Variants in LENG1 observed in about 807,000 individuals in gnomAD.
The protein encoded by LENG1 is leukocyte receptor cluster (LRC) member 1.
Under a neutral mutation model 28.8 loss-of-function variants are expected in LENG1, and 35 were observed. The observed-to-expected ratio is 1.22, with a 90% CI of 0.93 to 1.61. LENG1 has a LOEUF of 1.61. LENG1 is among the 40% of genes most tolerant of loss of function. The pLI is 0.00. For synonymous variants in LENG1, 170 were observed against 140.6 expected (o/e 1.21, Z -1.48); for missense variants, 404 against 348.9 (o/e 1.16, Z -1.26).
intron 2 of LENG1, among the ~76,000 whole-genome samples, 198 bp downstream of exon 2, chr19:54,158,084 G>A (rs181735729): frequency 6.6e-6 from 1 of 152,328 alleles, no homozygotes; most frequent in Admixed American, 6.5e-5. Context: ...AGCAGCTGGG[G>A]ACCTCTAGCA....
intron 2 of LENG1, among the ~76,000 whole-genome samples, chr19:54,157,731 G>A (rs141616158): frequency 6.6e-6 from 1 of 151,484 alleles, no homozygotes; most frequent in East Asian, 2.0e-4. Context: ...TTCACTTTTT[G>A]TTTGATTGTT....
At position 54,155,623 on chromosome 19, in the gene LENG1, T is replaced by G. The variant is rs1428992285; in HGVS notation, c.*98A>C. ...CTCCTCCCCTCCCCAGTGAGGGACA[T>G]TTTTTGGTAAACCTATTTTCATTTT... On this transcript the variant is annotated 3_prime_UTR_variant, in exon 4 of 4. Coordinates refer to ENST00000222224, the MANE Select transcript of LENG1 (RefSeq NM_024316.3). 2 of 1,283,390 alleles carry G rather than the reference T, an allele frequency of 1.6e-6. No individual in the cohort carries two copies. Among genetic ancestry groups the G allele is most frequent in the African/African-American group, 1.5e-5 (1 of 67,072 alleles). The allele number at this position is 1,283,390 out of a possible 1,614,324, so 79.5% of individuals were successfully genotyped here. A position where few individuals can be genotyped will look rare whatever the true frequency, so the allele number is the denominator to read the frequency against.
chr19:54,155,863 AG>A lies in LENG1; in HGVS notation c.652del (p.Leu218TrpfsTer50), dbSNP rs779666555. On this transcript the variant is annotated frameshift_variant, in exon 4 of 4. Transcript: ENST00000222224. LOFTEE classifies it high-confidence loss of function. Reference protein sequence around the residue: ...AAERSRAEALLARVQGRALQE... With the variant: ...AAERSRAEALXARVQGRALQE... ...TAGTGCCCGGCCTTGGACCCGGGCC[AG>A]CAGGGCCTCTGCCCGAGACCTCTCA... 33 of 1,612,868 alleles carry A rather than the reference AG, an allele frequency of 2.0e-5. No individual in the cohort carries two copies. The South Asian group carries it at 2.4e-4, about 12-fold the overall frequency.
In LENG1 at chr19:54,156,778, T is replaced by A. The variant is rs2075395740; in HGVS notation, c.560A>T (p.Lys187Met). The change falls in exon 3 of 4, where the codon AAG (lysine) becomes ATG (methionine). Residue 187 changes from lysine to methionine, a missense_variant. Transcript: ENST00000222224. ...RSRKEKEGSEKQRPKEPPSLD... is the reference protein window; with the variant it reads ...RSRKEKEGSEMQRPKEPPSLD... ...GTCTTCTTACTCCTTGGGTCGCTGC[T>A]TCTCAGACCCCTCCTTTTCCTTTCT... The A allele has an allele frequency of 6.2e-7, 1 of 1,612,414 alleles. No individual in the cohort carries two copies. Among genetic ancestry groups the A allele is most frequent in the Admixed American group, 1.7e-5 (1 of 59,820 alleles).
At chr19:54,159,262 T>C (rs967387734) in intron 1 of LENG1, among the ~76,000 whole-genome samples, 9 of 152,266 alleles carry the variant, frequency 5.9e-5, no homozygotes, top group South Asian at 2.1e-4. Flanking sequence ...CCGAATTTCC[T>C]TGAACTGTCC....
rs1227424309 is a variant in LENG1, at chr19:54,159,415, G to T, written c.132+149C>A. 8.4e-6 allele frequency: 7 copies of T among 833,482 alleles called. No individual in the cohort carries two copies. The Admixed American group carries it at 1.9e-4, about 23-fold the overall frequency. 51.6% of individuals were successfully genotyped at this position (833,482 alleles called of 1,614,324 possible). On this transcript the variant is annotated intron_variant, in intron 1 of 3. Coordinates refer to ENST00000222224, the MANE Select transcript of LENG1 (RefSeq NM_024316.3). The stretch of plus-strand genomic sequence containing the variant: ...CGTGGAAGTGGGCACAAGGTTTGCG[G>T]GGCAACGTCCTCGAAAGTGGGATCG...
At chr19:54,159,228 T>C (rs1600538612) in intron 1 of LENG1, among the ~76,000 whole-genome samples, 1 of 152,274 alleles carries the variant, frequency 6.6e-6, no homozygotes, top group African/African-American at 2.4e-5. Context: ...ATAAATAGGC[T>C]GTGCAGGCAA....
At position 54,158,314 on chromosome 19, in the gene LENG1, T is replaced by C. The variant is rs762711190; in HGVS notation, c.280A>G (p.Lys94Glu). Reference protein sequence around the residue: ...EEGKGVIRGNKEYKEEKRQEK... With the variant: ...EEGKGVIRGNEEYKEEKRQEK... ...TGTCGCTTTTCTTCCTTGTACTCTT[T>C]ATTGCCTCTGATCACTCCTTTCCCT... is the stretch of plus-strand genomic sequence containing the variant. The change falls in exon 2 of 4, where the codon AAA (lysine) becomes GAA (glutamate). Residue 94 changes from lysine (K) to glutamate (E), a missense_variant. Physicochemically the swap from Lys to Glu is moderately conservative, Grantham distance 56. Transcript: ENST00000222224. 3.1e-6 allele frequency: 5 copies of C among 1,614,078 alleles called. No individual in the cohort carries two copies. The highest frequency in any genetic ancestry group is 4.5e-5 in the East Asian group (2 of 44,902).
intron 2 of LENG1, 86 bp downstream of exon 2, chr19:54,158,196 A>G (rs2075430140): frequency 4.9e-6 from 6 of 1,218,490 alleles, no homozygotes; most frequent in Non-Finnish European, 5.9e-6. Flanking sequence ...CTCTTGTTTG[A>G]CCTTGGTCAC....
In LENG1 at chr19:54,156,810, A is replaced by T. The variant is rs150820847; in HGVS notation, c.528T>A (p.Ser176Arg). Reference protein sequence around the residue: ...KKRQHGGDEGSRSRKEKEGSE... With the variant: ...KKRQHGGDEGRRSRKEKEGSE... Reference sequence around the variant, plus strand: ...ACCCCTCCTTTTCCTTTCTGCTGCGACTGCCTTCATCACCGCCGTGCTGTC... The same window carrying T: ...ACCCCTCCTTTTCCTTTCTGCTGCGTCTGCCTTCATCACCGCCGTGCTGTC... The change falls in exon 3 of 4, where the codon AGT becomes AGA. Residue 176 changes from serine to arginine, a missense_variant. Transcript: ENST00000222224. The T allele has an allele frequency of 2.1e-3, 3,357 of 1,613,698 alleles. 6 individuals are homozygous for T. Among genetic ancestry groups the T allele is most frequent in the Non-Finnish European group, 2.7e-3 (3,152 of 1,179,830 alleles).
rs754540332 is a variant in LENG1, at chr19:54,155,749, C to T, written c.767G>A (p.Arg256His). The change falls in exon 4 of 4, where the codon CGC becomes CAC. Residue 256 changes from arginine (R) to histidine (H), a missense_variant. Arg to His is a conservative substitution (Grantham distance 29). Coordinates refer to ENST00000222224, the MANE Select transcript of LENG1 (RefSeq NM_024316.3). ...QFNPQLARRP[R>H]QQDPHLTH The stretch of plus-strand genomic sequence containing the variant: ...GTGAGTAAGGTGAGGGTCCTGCTGG[C>T]GGGGGCGCCGGGCCAGCTGGGGGTT... 1.9e-5 allele frequency: 30 copies of T among 1,609,726 alleles called. No homozygotes were observed. The highest frequency in any genetic ancestry group is 1.7e-4 in the African/African-American group (13 of 74,914).
intron 2 of LENG1, 24 bp downstream of exon 2, chr19:54,158,255 CTGA>C (rs766238410): frequency 8.1e-6 from 13 of 1,604,868 alleles, no homozygotes; most frequent in East Asian, 4.5e-5. Flanking sequence ...CATGGCCCCT[CTGA>C]TGAAGTGGGT....
intron 2 of LENG1, 96 bp downstream of exon 2, chr19:54,158,186 C>T: frequency 8.8e-7 from 1 of 1,138,474 alleles, no homozygotes; most frequent in Non-Finnish European, 1.3e-6. Flanking sequence ...TGTGTGTTCA[C>T]TCTTGTTTGA....
chr19:54,158,168 C>T lies in LENG1; in HGVS notation c.312+114G>A. ...TTGAGTGTCATGCCTTGGTATGGTC[C>T]TAAATTCTGTGTGTTCACTCTTGTT... On this transcript the variant is annotated intron_variant, in intron 2 of 3. Coordinates refer to ENST00000222224, the MANE Select transcript of LENG1 (RefSeq NM_024316.3). 4 of 1,010,718 alleles carry T rather than the reference C, an allele frequency of 4.0e-6. No homozygotes were observed. The East Asian group carries it at 9.6e-5, about 24-fold the overall frequency. The allele number at this position is 1,010,718 out of a possible 1,614,324, so 62.6% of individuals were successfully genotyped here.
At position 54,158,444 on chromosome 19, in the gene LENG1, T is replaced by C; in HGVS notation, c.150A>G (p.Leu50=). Residue 50 remains leucine, a synonymous_variant, in exon 2 of 4, where the codon CTA becomes CTG. Transcript: ENST00000222224. The part of the protein sequence containing the change: ...LAQQEARTEF[L]RKKARHQNSL... Reference sequence around the variant, plus strand: ...AGTTCTGATGTCTGGCTTTCTTCCGTAGGAATTCTGTACGGGCCTGGGGAG... The same window carrying C: ...AGTTCTGATGTCTGGCTTTCTTCCGCAGGAATTCTGTACGGGCCTGGGGAG... The C allele has an allele frequency of 1.2e-6, 2 of 1,614,102 alleles. No homozygotes were observed. The highest frequency in any genetic ancestry group is 8.5e-7 in the Non-Finnish European group (1 of 1,179,990).
Position 54,158,328 on chromosome 19 carries a change from A to G in LENG1, c.266T>C (p.Val89Ala). The G allele has an allele frequency of 6.2e-7, 1 of 1,613,572 alleles. No homozygotes were observed. The highest frequency in any genetic ancestry group is 8.5e-7 in the Non-Finnish European group (1 of 1,179,902). Residue 89 changes from valine to alanine, a missense_variant, in exon 2 of 4, where the codon GTG (valine) becomes GCG (alanine). Val to Ala is a moderately conservative substitution (Grantham distance 64). Coordinates refer to ENST00000222224, the MANE Select transcript of LENG1 (RefSeq NM_024316.3). ...CTTGTACTCTTTATTGCCTCTGATC[A>G]CTCCTTTCCCTTCCTCCAGCAGCTC... ...FRELLEEGKG[V>A]IRGNKEYKEE...
intron 3 of LENG1, among the ~76,000 whole-genome samples, chr19:54,156,288 A>G (rs1171507663): frequency 6.6e-6 from 1 of 152,206 alleles, no homozygotes; most frequent in African/African-American, 2.4e-5. Context: ...TCCTGGAGAC[A>G]GAAGCCTGCT....
intron 2 of LENG1, among the ~76,000 whole-genome samples, chr19:54,157,826 G>A (rs1177922131): frequency 2.0e-5 from 3 of 152,108 alleles, no homozygotes; most frequent in African/African-American, 7.2e-5. Flanking sequence ...CCTGGGTCAA[G>A]CGATTCTCCT....
chr19:54,157,557 CG>C (rs2075417927), intron 2 of LENG1, among the ~76,000 whole-genome samples: 2 of 151,774 alleles, frequency 1.3e-5, no homozygotes, highest in Admixed American at 1.3e-4. Flanking sequence ...TTAGTAGAGA[CG>C]GGGTTTTGCC....
Sources: gnomAD v4.1 joint callset for allele counts (sites outside exome capture counted in the v4.1 genomes callset) on GRCh38, gnomAD v4.1.1 for gene constraint, MANE v1.5 for transcripts, NCBI Gene and HGNC (gene_info 2026-07-23, HGNC 2026-07-21) for gene names.